Variants in ANO3 observed in about 807,000 individuals in gnomAD.
The protein encoded by ANO3 is anoctamin 3.
A neutral mutation model predicts 144.8 loss-of-function variants in ANO3; 99 were observed. That is an observed-to-expected ratio of 0.68 (90% confidence interval 0.58 to 0.81). The LOEUF is 0.81. Among genes scored for constraint, ANO3 ranks in the 30% least tolerant of loss-of-function variants. The pLI, the probability that ANO3 is intolerant of heterozygous loss-of-function variation, is 0.00. For missense variants in ANO3, 905 were observed against 1,202.2 expected, an observed-to-expected ratio of 0.75 and a Z score of 3.66; for synonymous variants, 414 against 392.6, an observed-to-expected ratio of 1.05 and a Z score of -0.64.
At position 26,255,602 on chromosome 11, in the gene ANO3, C is replaced by A. The variant is rs1853039257; in HGVS notation, c.155-54043C>A. Among the ~76,000 whole-genome samples the A allele has an allele frequency of 2.6e-5, 4 of 152,058 alleles. No individual in the cohort carries two copies. The South Asian group carries it at 8.3e-4, about 32-fold the overall frequency. ...GCCCAAGAAAAAGGGTTTGAGAATA[C>A]AGGTGAGATAAAAAAGATGGGAGGG... On this transcript the variant is annotated intron_variant, in intron 1 of 27. Coordinates refer to the ANO3 transcript ENST00000672621.
intron 1 of ANO3, among the ~76,000 whole-genome samples, chr11:26,278,631 C>G (rs10834938): frequency 0.27 from 41,394 of 151,896 alleles, 7,473 homozygotes; most frequent in African/African-American, 0.52. Flanking sequence ...CTAATTTTGA[C>G]ACATTACATT....
At chr11:26,298,513 C>A (rs1305027868) in intron 1 of ANO3, among the ~76,000 whole-genome samples, 5 of 152,114 alleles carry the variant, frequency 3.3e-5, no homozygotes, top group Admixed American at 3.3e-4. Context: ...TTATTTCAGG[C>A]CTTGTAGAGC....
intron 8 of ANO3, among the ~76,000 whole-genome samples, chr11:26,533,594 G>A (rs293939): frequency 0.65 from 99,481 of 151,972 alleles, 32,877 homozygotes; most frequent in East Asian, 0.84. Context: ...GGAGTGCTCT[G>A]AAAATCAGAG....
Position 26,663,229 on chromosome 11 carries a change from T to A in ANO3, c.*2785T>A, listed in dbSNP as rs1043439692. 6.6e-6 allele frequency: 1 copy of A among 152,080 alleles called. No homozygotes were observed. Among genetic ancestry groups the A allele is most frequent in the Non-Finnish European group, 1.5e-5 (1 of 67,968 alleles). The allele number at this position is 152,080 out of a possible 1,614,324, so 9.4% of individuals were successfully genotyped here. A position where few individuals can be genotyped will look rare whatever the true frequency, so the allele number is the denominator to read the frequency against. On this transcript the variant is annotated 3_prime_UTR_variant, in exon 27 of 27. Transcript: ENST00000256737. The stretch of plus-strand genomic sequence containing the variant: ...TTCCAAAATGATCCTTAGCACAATC[T>A]ATTGTATGATGGAATGAATAGAAAA...
At chr11:26,417,856 A>C (rs1857636536) in intron 1 of ANO3, among the ~76,000 whole-genome samples, 1 of 152,002 alleles carries the variant, frequency 6.6e-6, no homozygotes, top group South Asian at 2.1e-4. Flanking sequence ...AAAAATAATA[A>C]AGTTAATAGG....
chr11:26,361,451 T>C (rs573273727), intron 1 of ANO3, among the ~76,000 whole-genome samples: 30 of 152,336 alleles, frequency 2.0e-4, no homozygotes, highest in African/African-American at 6.7e-4. Flanking sequence ...TTTAATTGCC[T>C]TCTGTAATAT....
intron 1 of ANO3, among the ~76,000 whole-genome samples, chr11:26,333,220 T>TC (rs1423555101): frequency 6.6e-6 from 1 of 152,054 alleles, no homozygotes; most frequent in Non-Finnish European, 1.5e-5. Flanking sequence ...AATATTCTCA[T>TC]CCCCACCCTC....
chr11:26,468,102 C>G (rs1859664078), intron 4 of ANO3, among the ~76,000 whole-genome samples: 1 of 151,896 alleles, frequency 6.6e-6, no homozygotes. Flanking sequence ...GGAGCCACAT[C>G]CCACATACCA....
chr11:26,535,940 T>C (rs1312621058), intron 9 of ANO3, among the ~76,000 whole-genome samples: 1 of 152,006 alleles, frequency 6.6e-6, no homozygotes, highest in Admixed American at 6.6e-5. Flanking sequence ...TAATAATTTA[T>C]TTATTACTGA....
intron 24 of ANO3, among the ~76,000 whole-genome samples, chr11:26,648,456 G>C (rs548362888): frequency 1.1e-4 from 16 of 152,222 alleles, no homozygotes; most frequent in African/African-American, 3.9e-4. Context: ...TCTTTTCATG[G>C]AGGGCAGAGG....
At chr11:26,266,409 A>T (rs1853307715) in intron 1 of ANO3, among the ~76,000 whole-genome samples, 1 of 151,868 alleles carries the variant, frequency 6.6e-6, no homozygotes. Context: ...AGTTAATAAA[A>T]GTTAATTCAA....
In ANO3 at chr11:26,467,068, T is replaced by TTA. The variant is rs375947311; in HGVS notation, c.432+3921_432+3922dup. The stretch of plus-strand genomic sequence containing the variant: ...CAAAAGTGCCTTCCTTGTGAAAACA[T>TTA]TAAATCAAGGTAAAATTCCAAGATT... On this transcript the variant is annotated intron_variant, in intron 4 of 26. Coordinates refer to ENST00000256737, the MANE Select transcript of ANO3 (RefSeq NM_031418.4). Among the ~76,000 whole-genome samples the TTA allele has an allele frequency of 2.9e-3, 445 of 152,090 alleles. 1 individual carries two copies. The highest frequency in any genetic ancestry group is 0.01 in the African/African-American group (429 of 41,540).
chr11:26,268,239 T>A (rs746476031), intron 1 of ANO3, among the ~76,000 whole-genome samples: 1 of 152,216 alleles, frequency 6.6e-6, no homozygotes, highest in Non-Finnish European at 1.5e-5. Context: ...ACCAGGTAGA[T>A]CTTGTTCGAA....
At chr11:26,344,693 T>C (rs1047684662) in intron 1 of ANO3, among the ~76,000 whole-genome samples, 18 of 152,130 alleles carry the variant, frequency 1.2e-4, no homozygotes, top group African/African-American at 4.1e-4. Context: ...AGACTGTCTT[T>C]GGTGTAATTT....
At chr11:26,627,359 A>G (rs182419533) in intron 18 of ANO3, among the ~76,000 whole-genome samples, 2 of 149,012 alleles carry the variant, frequency 1.3e-5, no homozygotes, top group African/African-American at 5.0e-5. Context: ...CTTCTTCTTT[A>G]CTTTTGGGTC....
intron 14 of ANO3, among the ~76,000 whole-genome samples, chr11:26,586,790 C>T (rs1851299241): frequency 7.0e-6 from 1 of 142,318 alleles, no homozygotes; most frequent in East Asian, 2.0e-4. Flanking sequence ...GATGAGCCAC[C>T]ACGCCCGGCC....
Position 26,531,302 on chromosome 11 carries a change from T to A in ANO3, c.835T>A (p.Tyr279Asn). 6.2e-7 allele frequency: 1 copy of A among 1,613,882 alleles called. No individual in the cohort carries two copies. Among genetic ancestry groups the A allele is most frequent in the Non-Finnish European group, 8.5e-7 (1 of 1,179,880 alleles). The change falls in exon 8 of 27, where the codon TAT (tyrosine) becomes AAT (asparagine). Residue 279 changes from tyrosine to asparagine, a missense_variant. This residue lies in a region of ANO3 where 71 missense variants were observed against 57.9 expected (regional missense o/e 1.23). Coordinates refer to ENST00000256737, the MANE Select transcript of ANO3 (RefSeq NM_031418.4). ...AFPDLEESDC[Y>N]TGPFSRARIH... is the part of the protein sequence containing the mutation. Reference sequence around the variant, plus strand: ...TCCAGACCTAGAGGAGTCAGACTGCTATACTGGCCCCTTCAGCCGTGCACG... The same window carrying A: ...TCCAGACCTAGAGGAGTCAGACTGCAATACTGGCCCCTTCAGCCGTGCACG...
intron 1 of ANO3, among the ~76,000 whole-genome samples, chr11:26,353,984 T>A (rs1432775187): frequency 6.6e-6 from 1 of 152,230 alleles, no homozygotes; most frequent in Non-Finnish European, 1.5e-5. Context: ...TGATATTTAA[T>A]TTTTATATTA....
chr11:26,434,049 G>T (rs72886251), intron 1 of ANO3, among the ~76,000 whole-genome samples: 13,118 of 151,946 alleles, frequency 0.086, 728 homozygotes, highest in African/African-American at 0.16. Context: ...GTTGTTAGGT[G>T]ATTATTGATT....
Sources: gnomAD v4.1 joint callset for allele counts (sites outside exome capture counted in the v4.1 genomes callset) on GRCh38, gnomAD v4.1.1 for gene constraint, gnomAD v4.1.1 regional missense constraint, MANE v1.5 for transcripts, NCBI Gene and HGNC (gene_info 2026-07-23, HGNC 2026-07-21) for gene names.